RGL1: variants seen among roughly 807,000 people sequenced by gnomAD.
RGL1 encodes ral guanine nucleotide dissociation stimulator like 1.
Under a neutral mutation model 95.2 loss-of-function variants are expected in RGL1, and 24 were observed. The ratio of observed to expected loss-of-function variants is 0.25; its 90% confidence interval spans 0.18 to 0.35. RGL1 has a LOEUF of 0.35. Ranked by LOEUF, RGL1 falls within the 10% of genes least tolerant of loss-of-function variation. The probability of loss-of-function intolerance (pLI) is 1.00; values close to 1 mark genes in which losing one functional copy is unlikely to be tolerated. For missense variants in RGL1, 715 were observed against 936.3 expected (o/e 0.76, Z 3.08); for synonymous variants, 329 against 344.9 (o/e 0.95, Z 0.51).
At chr1:183,763,380 A>AAT (rs1658806809) in intron 2 of RGL1, among the ~76,000 whole-genome samples, 2 of 152,142 alleles carry the variant, frequency 1.3e-5, no homozygotes, top group East Asian at 1.9e-4. Flanking sequence ...CAGAACTTAA[A>AAT]ATATATATAT....
chr1:183,865,368 C>T (rs1469383406), intron 3 of RGL1, among the ~76,000 whole-genome samples: 1 of 152,214 alleles, frequency 6.6e-6, no homozygotes, highest in Non-Finnish European at 1.5e-5. Context: ...GTGTCTAGCG[C>T]AACCTGGCCT....
At chr1:183,894,426 G>A (rs912169292) in intron 9 of RGL1, among the ~76,000 whole-genome samples, 2 of 152,216 alleles carry the variant, frequency 1.3e-5, no homozygotes, top group Non-Finnish European at 2.9e-5. Context: ...GTGAATTCAT[G>A]TGGTCTGTGC....
rs541515703 is a variant in RGL1 at position 183,776,274 on chromosome 1, G to C, written c.133-30101G>C. On this transcript the variant is annotated intron_variant, in intron 2 of 18. Coordinates refer to the RGL1 transcript ENST00000304685. ...CGCCATTCTCCTGCCTCAGCCTCCCGAGTAGCTGGGACTACAGGCGCCCGC... is the reference window on the plus strand; with the variant it reads ...CGCCATTCTCCTGCCTCAGCCTCCCCAGTAGCTGGGACTACAGGCGCCCGC... Among the ~76,000 whole-genome samples, 483 of 148,032 alleles carry C rather than the reference G, an allele frequency of 3.3e-3. 2 individuals carry two copies. The highest frequency in any genetic ancestry group is 5.9e-3 in the Non-Finnish European group (396 of 67,396).
chr1:183,782,066 T>C (rs1347954979), intron 2 of RGL1, among the ~76,000 whole-genome samples: 3 of 152,220 alleles, frequency 2.0e-5, no homozygotes, highest in Non-Finnish European at 4.4e-5. Context: ...AGCTAATCAA[T>C]AGAATAAATC....
intron 2 of RGL1, among the ~76,000 whole-genome samples, chr1:183,814,179 A>G (rs894688256): frequency 2.2e-5 from 3 of 138,578 alleles, no homozygotes; most frequent in African/African-American, 8.6e-5. Flanking sequence ...CCTTGTAGGA[A>G]GCTCAGTTAG....
intron 1 of RGL1, among the ~76,000 whole-genome samples, chr1:183,676,599 T>G (rs1652843214): frequency 6.6e-6 from 1 of 151,482 alleles, no homozygotes; most frequent in Non-Finnish European, 1.5e-5. Context: ...CAAGTAGAAC[T>G]ACCCTGTTCT....
At chr1:183,880,532 C>T in intron 4 of RGL1, 84 bp from the exon 5 acceptor site, 1 of 1,310,166 alleles carries the variant, frequency 7.6e-7, no homozygotes, top group African/African-American at 1.5e-5. Flanking sequence ...CAGGGGTGCC[C>T]CTGGGGTCCA....
intron 1 of RGL1, among the ~76,000 whole-genome samples, chr1:183,721,213 C>T (rs1325483690): frequency 6.6e-6 from 1 of 152,156 alleles, no homozygotes. Flanking sequence ...TCTGTGTAGC[C>T]TGGTTTCCTT....
intron 2 of RGL1, among the ~76,000 whole-genome samples, chr1:183,836,205 T>C (rs181192528): frequency 2.9e-3 from 442 of 152,318 alleles, no homozygotes; most frequent in Non-Finnish European, 5.2e-3. Flanking sequence ...GTATAGCTTA[T>C]GAAGAAGAAA....
intron 2 of RGL1, among the ~76,000 whole-genome samples, chr1:183,779,048 G>C (rs1054103285): frequency 1.3e-5 from 2 of 152,086 alleles, no homozygotes; most frequent in African/African-American, 2.4e-5. Context: ...AGAAAGAAGG[G>C]GAAACTTCCT....
intron 1 of RGL1, among the ~76,000 whole-genome samples, chr1:183,698,781 A>G (rs1279561627): frequency 6.6e-6 from 1 of 152,164 alleles, no homozygotes; most frequent in Admixed American, 6.5e-5. Flanking sequence ...CTTTTTTTCA[A>G]TTGCTTTTCT....
At chr1:183,870,562 A>G (rs1255820598) in intron 4 of RGL1, among the ~76,000 whole-genome samples, 1 of 152,116 alleles carries the variant, frequency 6.6e-6, no homozygotes, top group Non-Finnish European at 1.5e-5. Context: ...TGCTGGCGCA[A>G]GTGGCCTTGA....
At chr1:183,645,039 G>A (rs1340697451) in intron 1 of RGL1, among the ~76,000 whole-genome samples, 2 of 152,118 alleles carry the variant, frequency 1.3e-5, no homozygotes, top group Admixed American at 1.3e-4. Context: ...TTCATTCTAA[G>A]CAGATGTCAG....
At chr1:183,916,301 G>C in intron 15 of RGL1, 146 bp from the exon 16 acceptor site, 1 of 951,970 alleles carries the variant, frequency 1.1e-6, no homozygotes. Flanking sequence ...ACTTACACCA[G>C]GGATGAGACA....
chr1:183,804,115 T>C (rs1311028656), upstream of RGL1, among the ~76,000 whole-genome samples: 1 of 152,184 alleles, frequency 6.6e-6, no homozygotes, highest in African/African-American at 2.4e-5. Context: ...TACACTTGAT[T>C]TGCTAAATTG....
Position 183,899,316 on chromosome 1 carries a change from G to A in RGL1, c.1231-834G>A, listed in dbSNP as rs768179163. 2.6e-5 allele frequency among the ~76,000 whole-genome samples: 4 copies of A among 152,106 alleles called. 1 individual carries two copies. Among genetic ancestry groups the A allele is most frequent in the South Asian group, 2.1e-4 (1 of 4,820 alleles). On this transcript the variant is annotated intron_variant, in intron 10 of 17. Coordinates refer to ENST00000360851, the MANE Select transcript of RGL1 (RefSeq NM_001297671.3). ...TCTTATCTGTTCCAGGACCCAATCC[G>A]GCATACCAACTGCATTTTGTTGTCT...
At chr1:183,857,397 T>C (rs1665223458) in intron 3 of RGL1, among the ~76,000 whole-genome samples, 1 of 152,222 alleles carries the variant, frequency 6.6e-6, no homozygotes, top group African/African-American at 2.4e-5. Flanking sequence ...TAAATTTGTA[T>C]TGTTATAAGC....
intron 2 of RGL1, among the ~76,000 whole-genome samples, chr1:183,778,368 A>T (rs1659709160): frequency 6.6e-6 from 1 of 152,212 alleles, no homozygotes; most frequent in Non-Finnish European, 1.5e-5. Flanking sequence ...AGAAGGGAGG[A>T]TATCAAACAT....
At chr1:183,838,922 C>T (rs896780450) in intron 2 of RGL1, among the ~76,000 whole-genome samples, 2 of 152,294 alleles carry the variant, frequency 1.3e-5, no homozygotes, top group Middle Eastern at 3.4e-3. Flanking sequence ...ACATTTGGCT[C>T]GTGCAAGAGG....
Sources: allele counts gnomAD v4.1 joint callset (sites outside exome capture counted in the v4.1 genomes callset), GRCh38; gene constraint gnomAD v4.1.1; transcripts MANE v1.5; gene names NCBI Gene and HGNC (gene_info 2026-07-23, HGNC 2026-07-21).